The following NRXN1 variants were observed in gnomAD, a reference collection of about 807,000 sequenced individuals.
The protein encoded by NRXN1 is neurexin 1, also known as neurexin-1.
In NRXN1, 39 loss-of-function variants were observed where a neutral mutation model predicts 150.9. The observed-to-expected ratio is 0.26, with a 90% CI of 0.20 to 0.34. NRXN1 has a LOEUF of 0.34. Among genes scored for constraint, NRXN1 ranks in the 10% least tolerant of loss-of-function variants. The probability of loss-of-function intolerance (pLI) is 1.00; values close to 1 mark genes in which losing one functional copy is unlikely to be tolerated. For synonymous variants in NRXN1, 924 were observed against 757.0 expected (o/e 1.22, Z -3.62); for missense variants, 1,815 against 1,949.9 (o/e 0.93, Z 1.30).
At position 50,323,589 on chromosome 2, in the gene NRXN1, AT is replaced by A. The variant is rs1444819358; in HGVS notation, c.3365-86620del. The stretch of plus-strand genomic sequence containing the variant: ...AAATAAACTATATATATATATATAT[AT>A]ATAACTTAGCAGATTCAAATTTTAT... On this transcript the variant is annotated intron_variant, in intron 17 of 22. Transcript: ENST00000401669. 4.7e-4 allele frequency among the ~76,000 whole-genome samples: 71 copies of A among 151,230 alleles called. No homozygotes were observed. In the Middle Eastern group the frequency reaches 0.01, roughly 22 times the overall value.
At chr2:50,601,181 C>G (rs1287088931) in intron 8 of NRXN1, among the ~76,000 whole-genome samples, 1 of 152,066 alleles carries the variant, frequency 6.6e-6, no homozygotes, top group Non-Finnish European at 1.5e-5. Context: ...GATATATACT[C>G]TTTATATTTT....
At chr2:50,899,808 T>C (rs1682635734) in intron 5 of NRXN1, among the ~76,000 whole-genome samples, 1 of 152,192 alleles carries the variant, frequency 6.6e-6, no homozygotes, top group Non-Finnish European at 1.5e-5. Context: ...CAGAATTATG[T>C]CAAATACATG....
intron 5 of NRXN1, among the ~76,000 whole-genome samples, chr2:50,867,974 T>C (rs1677175449): frequency 6.6e-6 from 1 of 151,488 alleles, no homozygotes; most frequent in Non-Finnish European, 1.5e-5. Context: ...TGACCTGAAC[T>C]GTAGAAGAAA....
chr2:50,664,556 G>A (rs1490650476), intron 5 of NRXN1, among the ~76,000 whole-genome samples: 1 of 151,490 alleles, frequency 6.6e-6, no homozygotes, highest in Non-Finnish European at 1.5e-5. Flanking sequence ...TGGAACCAAA[G>A]GCAAAGCCCT....
At chr2:50,616,693 T>C (rs1679118106) in intron 8 of NRXN1, among the ~76,000 whole-genome samples, 1 of 152,188 alleles carries the variant, frequency 6.6e-6, no homozygotes, top group African/African-American at 2.4e-5. Flanking sequence ...AGGAAGAAAG[T>C]TGAACTTAGA....
chr2:50,479,415 C>A (rs1017739185), intron 15 of NRXN1, among the ~76,000 whole-genome samples: 4 of 152,188 alleles, frequency 2.6e-5, no homozygotes, highest in Non-Finnish European at 4.4e-5. Flanking sequence ...AGATAAATAT[C>A]TTGGAATCCT....
intron 17 of NRXN1, among the ~76,000 whole-genome samples, chr2:50,412,309 A>G (rs1460753254): frequency 2.1e-5 from 3 of 142,224 alleles, no homozygotes; most frequent in Non-Finnish European, 4.5e-5. Context: ...AATGATCAAT[A>G]AATACTAAAA....
At chr2:50,659,201 T>C (rs1245584863) in intron 5 of NRXN1, among the ~76,000 whole-genome samples, 1 of 152,088 alleles carries the variant, frequency 6.6e-6, no homozygotes, top group African/African-American at 2.4e-5. Context: ...CATTCCACTA[T>C]AAGTATATAA....
At chr2:50,699,518 C>T (rs1311033659) in intron 5 of NRXN1, among the ~76,000 whole-genome samples, 7 of 151,986 alleles carry the variant, frequency 4.6e-5, no homozygotes, top group East Asian at 3.9e-4. Context: ...GACTTCACTT[C>T]CCACTGCTTG....
chr2:50,040,574 T>G (rs1001264410), intron 21 of NRXN1, among the ~76,000 whole-genome samples: 1 of 152,070 alleles, frequency 6.6e-6, no homozygotes, highest in Non-Finnish European at 1.5e-5. Context: ...AGACATTTAC[T>G]CTGGGGAATA....
At chr2:50,919,755 G>A (rs1685726452) in intron 5 of NRXN1, 1 of 154,992 alleles carries the variant, frequency 6.5e-6, no homozygotes, top group African/African-American at 2.4e-5. Context: ...ATTTTTTCCA[G>A]ATTTTTTTTT....
At chr2:50,743,515 AAAT>A (rs1412041965) in intron 5 of NRXN1, among the ~76,000 whole-genome samples, 1 of 152,176 alleles carries the variant, frequency 6.6e-6, no homozygotes, top group African/African-American at 2.4e-5. Context: ...AATGAACATT[AAAT>A]AATAAGACTT....
At chr2:50,556,455 A>T (rs1668269381) in intron 8 of NRXN1, among the ~76,000 whole-genome samples, 2 of 151,680 alleles carry the variant, frequency 1.3e-5, no homozygotes, top group African/African-American at 4.8e-5. Context: ...ATATTTGTGC[A>T]CACTCATTTG....
intron 5 of NRXN1, among the ~76,000 whole-genome samples, chr2:50,661,326 G>A (rs964610497): frequency 1.3e-5 from 2 of 152,012 alleles, no homozygotes; most frequent in Non-Finnish European, 1.5e-5. Flanking sequence ...ACTTTTAGAC[G>A]TGCATTTTTT....
chr2:50,854,477 A>T (rs1674971725), intron 5 of NRXN1, among the ~76,000 whole-genome samples: 1 of 152,140 alleles, frequency 6.6e-6, no homozygotes, highest in Non-Finnish European at 1.5e-5. Context: ...CATTCCGTAG[A>T]GTACATTCTG....
intron 3 of NRXN1, among the ~76,000 whole-genome samples, chr2:50,925,451 T>C (rs1686719639): frequency 6.6e-6 from 1 of 151,914 alleles, no homozygotes; most frequent in African/African-American, 2.4e-5. Flanking sequence ...TCTAAATTTA[T>C]GTCTCTTACT....
chr2:50,977,146 G>T (rs1305774560), intron 2 of NRXN1, among the ~76,000 whole-genome samples: 2 of 151,854 alleles, frequency 1.3e-5, no homozygotes, highest in African/African-American at 4.8e-5. Context: ...ATTATATGAT[G>T]CTTCATTACC....
intron 17 of NRXN1, among the ~76,000 whole-genome samples, chr2:50,405,794 A>G (rs1433987861): frequency 6.6e-6 from 1 of 152,168 alleles, no homozygotes; most frequent in African/African-American, 2.4e-5. Context: ...TGTATGAAAG[A>G]AGTATTGCAC....
chr2:50,332,264 G>T (rs570587948), intron 17 of NRXN1, among the ~76,000 whole-genome samples: 2 of 152,258 alleles, frequency 1.3e-5, no homozygotes, highest in African/African-American at 4.8e-5. Context: ...TATTGCTTCT[G>T]TGTGAGTAGA....
Sources: gnomAD v4.1 joint callset for allele counts (sites outside exome capture counted in the v4.1 genomes callset) on GRCh38, gnomAD v4.1.1 for gene constraint, MANE v1.5 for transcripts, NCBI Gene and HGNC (gene_info 2026-07-23, HGNC 2026-07-21) for gene names.